ATXN7: variants seen among roughly 807,000 people sequenced by gnomAD.
ATXN7 encodes ataxin-7.
A neutral mutation model predicts 70.5 loss-of-function variants in ATXN7; 12 were observed. That is an observed-to-expected ratio of 0.17 (90% confidence interval 0.11 to 0.28). The LOEUF (loss-of-function observed/expected upper bound fraction) is 0.28. Ranked by LOEUF, ATXN7 falls within the 10% of genes least tolerant of loss-of-function variation. ATXN7 has a pLI of 1.00. For missense variants in ATXN7, 1,256 were observed against 1,131.7 expected (o/e 1.11, Z -1.58); for synonymous variants, 498 against 448.7 (o/e 1.11, Z -1.39).
In ATXN7 at chr3:63,904,964, A is replaced by G. The variant is rs1305156931; in HGVS notation, c.-12+6467A>G. On this transcript the variant is annotated intron_variant, in intron 2 of 12. Transcript: ENST00000674280. Reference sequence around the variant, plus strand: ...GGGTGAGAGGTGGTATCTCTGATTTAGATTTGCATTTCCCTAATGACTAAT... The same window carrying G: ...GGGTGAGAGGTGGTATCTCTGATTTGGATTTGCATTTCCCTAATGACTAAT... 3 of 152,258 alleles carry G rather than the reference A, an allele frequency of 2.0e-5. No individual in the cohort carries two copies. The East Asian group carries it at 5.8e-4, about 29-fold the overall frequency. 9.4% of individuals were successfully genotyped at this position (152,258 alleles called of 1,614,324 possible).
At chr3:63,992,271 T>C (rs1017763185) in intron 11 of ATXN7, among the ~76,000 whole-genome samples, 1 of 152,216 alleles carries the variant, frequency 6.6e-6, no homozygotes, top group Admixed American at 6.5e-5. Flanking sequence ...ACTGTTACTC[T>C]GCTTTTCTTT....
intron 4 of ATXN7, among the ~76,000 whole-genome samples, chr3:63,936,110 A>T (rs1575920248): frequency 6.6e-6 from 1 of 152,208 alleles, no homozygotes; most frequent in African/African-American, 2.4e-5. Flanking sequence ...CCATATTTTC[A>T]TGTAGAAAGT....
At chr3:63,988,546 A>G (rs2075615627) in intron 9 of ATXN7, 6 of 589,090 alleles carry the variant, frequency 1.0e-5, no homozygotes, top group South Asian at 2.1e-5. Flanking sequence ...AAATAAAGCT[A>G]GAGTTATCTG....
intron 2 of ATXN7, among the ~76,000 whole-genome samples, chr3:63,910,348 T>A (rs1308525997): frequency 6.6e-6 from 1 of 152,250 alleles, no homozygotes; most frequent in Non-Finnish European, 1.5e-5. Flanking sequence ...GTTATCTATA[T>A]GGCTTGGTGG....
intron 1 of ATXN7, among the ~76,000 whole-genome samples, chr3:63,892,495 CCACACACACACACA>C (rs376915162): frequency 7.9e-6 from 1 of 126,852 alleles, no homozygotes; most frequent in Non-Finnish European, 1.7e-5. Context: ...ACACACACAC[CCACACACACACACA>C]CACACCCCAA....
At chr3:63,980,203 G>T (rs768210430) in intron 6 of ATXN7, 36 bp downstream of exon 6, 2 of 1,612,294 alleles carry the variant, frequency 1.2e-6, no homozygotes, top group South Asian at 2.2e-5. Context: ...AAGCTTACCT[G>T]CTGGAAATGA....
At chr3:63,863,676 C>T (rs1050343371), upstream of ATXN7, 1 of 1,235,288 alleles carries the variant, frequency 8.1e-7, no homozygotes, top group East Asian at 3.2e-5. Context: ...CCGGGGAGGC[C>T]GAGGGGTTCC....
intron 1 of ATXN7, among the ~76,000 whole-genome samples, chr3:63,891,993 T>G (rs949180712): frequency 9.9e-5 from 15 of 152,214 alleles, no homozygotes; most frequent in Admixed American, 9.8e-4. Context: ...CATTTATCTG[T>G]TACAGACCTG....
chr3:63,976,015 G>C (rs2075382862), intron 5 of ATXN7, among the ~76,000 whole-genome samples: 1 of 152,156 alleles, frequency 6.6e-6, no homozygotes, highest in Middle Eastern at 3.2e-3. Context: ...CTGGGCTGGT[G>C]CCAGATCCTG....
At chr3:63,873,699 G>C (rs76201483) in intron 1 of ATXN7, 3,302 of 152,222 alleles carry the variant, frequency 0.022, 37 homozygotes, top group Non-Finnish European at 0.033. Flanking sequence ...CTACATCTAA[G>C]GGTTTTGTTT....
chr3:63,864,516 C>T (rs1254457002), intron 1 of ATXN7: 1 of 152,136 alleles, frequency 6.6e-6, no homozygotes, highest in Non-Finnish European at 1.5e-5. Flanking sequence ...GGTTCCGGCC[C>T]CTGCGGCCGC....
In ATXN7 at chr3:63,990,462, C is replaced by A. The variant is rs1454647952; in HGVS notation, c.1560+88C>A. The A allele has an allele frequency of 2.9e-5, 43 of 1,501,310 alleles. 1 individual carries two copies. The highest frequency in any genetic ancestry group is 9.2e-7 in the Non-Finnish European group (1 of 1,092,412). 93.0% of individuals were successfully genotyped at this position (1,501,310 alleles called of 1,614,324 possible). A position where few individuals can be genotyped will look rare whatever the true frequency, so the allele number is the denominator to read the frequency against. Reference sequence around the variant, plus strand: ...GGGGCGCGCCAGGGATCTTGGCATGCCCGTATGTGTGGGACGCGGTCAAGG... The same window carrying A: ...GGGGCGCGCCAGGGATCTTGGCATGACCGTATGTGTGGGACGCGGTCAAGG... On this transcript the variant is annotated intron_variant, in intron 10 of 12. Coordinates refer to ENST00000674280, the MANE Select transcript of ATXN7 (RefSeq NM_001377405.1).
At chr3:63,905,557 A>G (rs1703809818) in intron 2 of ATXN7, 1 of 152,156 alleles carries the variant, frequency 6.6e-6, no homozygotes, top group Admixed American at 6.5e-5. Flanking sequence ...ATTCCAACCC[A>G]CTAATTGCCC....
chr3:63,899,948 G>C (rs536935128), intron 2 of ATXN7, among the ~76,000 whole-genome samples: 110 of 152,246 alleles, frequency 7.2e-4, no homozygotes, highest in African/African-American at 2.3e-3. Flanking sequence ...GTCAAGCACA[G>C]TGGTGCATGT....
In ATXN7 at chr3:63,979,900, T is replaced by G; in HGVS notation, c.500-15T>G. 6.2e-7 allele frequency: 1 copy of G among 1,611,968 alleles called. No homozygotes were observed. Among genetic ancestry groups the G allele is most frequent in the Non-Finnish European group, 8.5e-7 (1 of 1,178,664 alleles). On this transcript the variant is annotated splice_polypyrimidine_tract_variant and intron_variant, in intron 5 of 12. Coordinates refer to ENST00000674280, the MANE Select transcript of ATXN7 (RefSeq NM_001377405.1). ...CTAAAACATGATGTCTTTTTTTCTT[T>G]GCTTTCGTTTTCAGAAAGAAGACAT...
intron 5 of ATXN7, among the ~76,000 whole-genome samples, chr3:63,975,579 G>A (rs1011436667): frequency 6.6e-6 from 1 of 151,822 alleles, no homozygotes; most frequent in Non-Finnish European, 1.5e-5. Flanking sequence ...ATTTTTAGTT[G>A]TTTTCAAAGC....
chr3:63,893,744 CT>C (rs1490097052), intron 1 of ATXN7, among the ~76,000 whole-genome samples: 1 of 152,136 alleles, frequency 6.6e-6, no homozygotes, highest in African/African-American at 2.4e-5. Context: ...TTGACTTGAT[CT>C]TCAGTGGAGT....
chr3:63,964,989 A>G (rs1041968310), intron 5 of ATXN7, among the ~76,000 whole-genome samples: 1 of 152,156 alleles, frequency 6.6e-6, no homozygotes, highest in African/African-American at 2.4e-5. Flanking sequence ...GCTTTCACCA[A>G]TGATAGGAAC....
intron 4 of ATXN7, among the ~76,000 whole-genome samples, chr3:63,925,020 A>C (rs977685843): frequency 1.3e-5 from 2 of 152,144 alleles, no homozygotes; most frequent in Non-Finnish European, 2.9e-5. Flanking sequence ...GAAAAAGGAG[A>C]TGCAACTCAG....
Sources: allele counts gnomAD v4.1 joint callset (sites outside exome capture counted in the v4.1 genomes callset), GRCh38; gene constraint gnomAD v4.1.1; transcripts MANE v1.5; gene names NCBI Gene and HGNC (gene_info 2026-07-23, HGNC 2026-07-21).